Variants in C1orf94 observed in about 807,000 individuals in gnomAD.
C1orf94 encodes the protein chromosome 1 open reading frame 94.
A neutral mutation model predicts 53.6 loss-of-function variants in C1orf94; 45 were observed. The ratio of observed to expected loss-of-function variants is 0.84; its 90% CI spans 0.66 to 1.08. C1orf94 has a LOEUF of 1.08. C1orf94 is among the 50% of genes least tolerant of loss of function. C1orf94 has a pLI of 0.00. For synonymous variants in C1orf94, 304 were observed against 296.1 expected (o/e 1.03, Z -0.27); for missense variants, 762 against 738.9 (o/e 1.03, Z -0.36).
intron 6 of C1orf94, among the ~76,000 whole-genome samples, chr1:34,215,574 A>C (rs1220460494): frequency 6.6e-6 from 1 of 152,142 alleles, no homozygotes; most frequent in Non-Finnish European, 1.5e-5. Flanking sequence ...GCAGGTGAAA[A>C]GATCTGTGAT....
chr1:34,200,708 G>T, intron 2 of C1orf94, 64 bp from the exon 3 acceptor site: 1 of 1,591,866 alleles, frequency 6.3e-7, no homozygotes, highest in South Asian at 1.1e-5. Context: ...TCCACAAAAA[G>T]GTGCTTCCAG....
At chr1:34,212,004 G>A (rs1007219896) in intron 5 of C1orf94, among the ~76,000 whole-genome samples, 11 of 151,996 alleles carry the variant, frequency 7.2e-5, no homozygotes, top group Non-Finnish European at 1.5e-4. Flanking sequence ...TTTTGCAGAT[G>A]GGGAAACTGA....
At chr1:34,167,170 C>G (rs926995883) in exon 1 of C1orf94, 5 of 152,440 alleles carry the variant, frequency 3.3e-5, no homozygotes, top group African/African-American at 1.2e-4. Context: ...ACTACGCCAG[C>G]AGTGAGTGGT....
intron 2 of C1orf94, 140 bp downstream of exon 2, chr1:34,198,053 G>C: frequency 1.0e-6 from 1 of 954,662 alleles, no homozygotes; most frequent in South Asian, 1.8e-5. Context: ...GCACAGCCCC[G>C]AGGGACGGGC....
chr1:34,212,477 C>T (rs1330466266), intron 6 of C1orf94, 71 bp downstream of exon 6: 1 of 1,415,784 alleles, frequency 7.1e-7, no homozygotes, highest in Non-Finnish European at 9.6e-7. Context: ...GTTGGGTGGG[C>T]TTACCAGCGC....
chr1:34,187,071 G>GT (rs1337201673), intron 1 of C1orf94, among the ~76,000 whole-genome samples: 1 of 152,152 alleles, frequency 6.6e-6, no homozygotes, highest in South Asian at 2.1e-4. Flanking sequence ...GACATTGCAG[G>GT]TTTTTTCCTC....
intron 1 of C1orf94, among the ~76,000 whole-genome samples, chr1:34,167,749 C>T (rs146135974): frequency 1.1e-4 from 17 of 152,088 alleles, no homozygotes; most frequent in African/African-American, 3.9e-4. Context: ...GCGATAATCA[C>T]CATGACTGAA....
intron 5 of C1orf94, among the ~76,000 whole-genome samples, chr1:34,211,039 G>T (rs554533333): frequency 6.6e-6 from 1 of 151,990 alleles, no homozygotes; most frequent in Non-Finnish European, 1.5e-5. Flanking sequence ...TTGGACCCCA[G>T]ACTTGCTATT....
chr1:34,204,365 G>A lies in C1orf94; in HGVS notation c.1446+2106G>A, dbSNP rs78898374. ...TGTTTGCTAAAGAGAACAAGTACCC[G>A]TCCCCTCCCGAGGGAGGGAAAGCTC... is the stretch of plus-strand genomic sequence containing the variant. On this transcript the variant is annotated intron_variant, in intron 4 of 6. Coordinates refer to ENST00000488417, the MANE Select transcript of C1orf94 (RefSeq NM_001134734.2). Among the ~76,000 whole-genome samples the A allele has an allele frequency of 9.9e-3, 1,511 of 152,188 alleles. 23 individuals carry two copies. Among genetic ancestry groups the A allele is most frequent in the African/African-American group, 0.034 (1,410 of 41,514 alleles).
At chr1:34,192,165 TG>T (rs999361706) in intron 1 of C1orf94, among the ~76,000 whole-genome samples, 5 of 152,050 alleles carry the variant, frequency 3.3e-5, no homozygotes, top group Admixed American at 1.3e-4. Context: ...TGGCAAAACT[TG>T]GGGGAAAAAG....
At chr1:34,183,043 C>G (rs1041213837) in intron 1 of C1orf94, among the ~76,000 whole-genome samples, 6 of 152,128 alleles carry the variant, frequency 3.9e-5, no homozygotes, top group Non-Finnish European at 5.9e-5. Context: ...TTTATCACTC[C>G]CATCACCAAG....
intron 1 of C1orf94, among the ~76,000 whole-genome samples, chr1:34,196,567 T>C (rs1274648428): frequency 2.0e-5 from 3 of 152,086 alleles, no homozygotes. Flanking sequence ...GAGCTGACCT[T>C]TGAATCGCCC....
intron 5 of C1orf94, among the ~76,000 whole-genome samples, chr1:34,209,562 C>T (rs1571349905): frequency 6.6e-6 from 1 of 152,316 alleles, no homozygotes; most frequent in South Asian, 2.1e-4. Flanking sequence ...CACTCCAACT[C>T]ATACAACCTC....
intron 1 of C1orf94, 67 bp downstream of exon 1, chr1:34,178,176 G>A: frequency 2.7e-6 from 4 of 1,471,274 alleles, no homozygotes; most frequent in Non-Finnish European, 3.7e-6. Flanking sequence ...CCTTCTGGGG[G>A]AATGTTCTGG....
intron 4 of C1orf94, 50 bp downstream of exon 4, chr1:34,202,309 C>T: frequency 3.8e-6 from 6 of 1,587,596 alleles, no homozygotes; most frequent in Non-Finnish European, 5.2e-6. Context: ...GGGTTTTGGC[C>T]ACAGAGAAGG....
chr1:34,194,479 G>A (rs1003609574), intron 1 of C1orf94, among the ~76,000 whole-genome samples: 2 of 152,112 alleles, frequency 1.3e-5, no homozygotes, highest in Non-Finnish European at 2.9e-5. Context: ...AGGGCCCTGT[G>A]GGGCTTCTAG....
At chr1:34,201,072 G>A (rs1277210561) in intron 3 of C1orf94, 40 bp downstream of exon 3, 3 of 1,551,768 alleles carry the variant, frequency 1.9e-6, no homozygotes, top group Middle Eastern at 3.4e-4. Context: ...AGGGGAGGGG[G>A]TTGCAGTGAC....
intron 1 of C1orf94, among the ~76,000 whole-genome samples, chr1:34,171,457 A>G (rs114628880): frequency 1.3e-5 from 2 of 151,064 alleles, no homozygotes; most frequent in Admixed American, 6.6e-5. Flanking sequence ...ATGGATAAAC[A>G]GATGGATGGA....
chr1:34,184,537 G>A (rs1642357187), intron 1 of C1orf94, among the ~76,000 whole-genome samples: 1 of 152,186 alleles, frequency 6.6e-6, no homozygotes, highest in Non-Finnish European at 1.5e-5. Context: ...AAAGAAATCT[G>A]TTTAAGCATT....
Sources: gnomAD v4.1 joint callset for allele counts (sites outside exome capture counted in the v4.1 genomes callset) on GRCh38, gnomAD v4.1.1 for gene constraint, MANE v1.5 for transcripts, NCBI Gene and HGNC (gene_info 2026-07-23, HGNC 2026-07-21) for gene names.